Variants in PVT1 observed in about 807,000 individuals in gnomAD.
PVT1 encodes the protein Pvt1 oncogene.
At chr8:127,977,046 C>T (rs4733809) in intron 3 of PVT1, among the ~76,000 whole-genome samples, 84,033 of 152,024 alleles carry the variant, frequency 0.55, 24,285 homozygotes, top group South Asian at 0.81. Context: ...CTTCGTACCA[C>T]TTAGCAAATA....
At chr8:127,863,213 G>T (rs1479245586) in intron 2 of PVT1, among the ~76,000 whole-genome samples, 5 of 152,094 alleles carry the variant, frequency 3.3e-5, no homozygotes, top group Non-Finnish European at 7.3e-5. Flanking sequence ...TTGGGTTCAA[G>T]CAATTATCCT....
At chr8:127,850,411 G>A (rs1275646607) in intron 2 of PVT1, among the ~76,000 whole-genome samples, 1 of 152,160 alleles carries the variant, frequency 6.6e-6, no homozygotes, top group Non-Finnish European at 1.5e-5. Flanking sequence ...GGGGGCACAT[G>A]TTTGCACTTT....
chr8:127,843,544 G>A (rs1013564259), intron 2 of PVT1, among the ~76,000 whole-genome samples: 1 of 151,906 alleles, frequency 6.6e-6, no homozygotes, highest in Non-Finnish European at 1.5e-5. Context: ...CCGGGTTCAC[G>A]CCATTCTCCT....
chr8:127,872,157 G>C (rs1298645691), intron 2 of PVT1, among the ~76,000 whole-genome samples: 4 of 152,108 alleles, frequency 2.6e-5, no homozygotes, highest in Admixed American at 2.0e-4. Flanking sequence ...GCTCATGCCT[G>C]TAATCCCAGC....
At chr8:127,844,344 G>A (rs1430452458) in intron 2 of PVT1, among the ~76,000 whole-genome samples, 3 of 152,190 alleles carry the variant, frequency 2.0e-5, no homozygotes, top group Admixed American at 6.5e-5. Context: ...GTGTGAAGCA[G>A]TGGGCAGAGC....
At chr8:127,853,131 C>G (rs1815122669) in intron 2 of PVT1, among the ~76,000 whole-genome samples, 2 of 152,156 alleles carry the variant, frequency 1.3e-5, no homozygotes, top group Admixed American at 1.3e-4. Context: ...TCTTCCCAGG[C>G]CAGGGCTTCA....
intron 2 of PVT1, among the ~76,000 whole-genome samples, chr8:127,879,190 C>G (rs1296148267): frequency 6.6e-6 from 1 of 152,228 alleles, no homozygotes; most frequent in Non-Finnish European, 1.5e-5. Context: ...TCCAGTCTTT[C>G]TCATCACATA....
chr8:127,899,974 T>C (rs1340097715), intron 3 of PVT1, among the ~76,000 whole-genome samples: 1 of 152,252 alleles, frequency 6.6e-6, no homozygotes, highest in Non-Finnish European at 1.5e-5. Flanking sequence ...GATTAGCACA[T>C]GCTCATGAGG....
intron 2 of PVT1, among the ~76,000 whole-genome samples, chr8:127,869,605 T>C (rs1424389069): frequency 1.3e-5 from 2 of 152,218 alleles, no homozygotes; most frequent in East Asian, 1.9e-4. Flanking sequence ...CTCTTGTTTT[T>C]CTGAGACCTT....
chr8:128,084,495 T>C (rs376083549), intron 5 of PVT1, among the ~76,000 whole-genome samples: 27 of 152,302 alleles, frequency 1.8e-4, no homozygotes, highest in African/African-American at 6.3e-4. Flanking sequence ...GTAGTACTGA[T>C]GACTTGCAGA....
At chr8:127,851,227 C>G (rs1380592697) in intron 2 of PVT1, among the ~76,000 whole-genome samples, 1 of 152,122 alleles carries the variant, frequency 6.6e-6, no homozygotes, top group Non-Finnish European at 1.5e-5. Context: ...GTCACATGGC[C>G]TGCTCTATAA....
intron 2 of PVT1, among the ~76,000 whole-genome samples, chr8:127,859,600 C>G (rs919414297): frequency 6.6e-6 from 1 of 152,128 alleles, no homozygotes; most frequent in Non-Finnish European, 1.5e-5. Context: ...AGGTCTGACT[C>G]CCCGCCAGAG....
chr8:128,046,128 T>C (rs1232182899), intron 4 of PVT1, among the ~76,000 whole-genome samples: 2 of 152,186 alleles, frequency 1.3e-5, no homozygotes, highest in African/African-American at 4.8e-5. Flanking sequence ...TCACTCTTGC[T>C]CAGATTCATA....
chr8:128,041,889 G>A (rs1813550279), intron 4 of PVT1, among the ~76,000 whole-genome samples: 1 of 152,132 alleles, frequency 6.6e-6, no homozygotes, highest in African/African-American at 2.4e-5. Context: ...CTATGTATTT[G>A]ACTGATGCTT....
At chr8:127,919,971 A>G (rs1245544347) in intron 3 of PVT1, among the ~76,000 whole-genome samples, 2 of 152,148 alleles carry the variant, frequency 1.3e-5, no homozygotes, top group African/African-American at 4.8e-5. Flanking sequence ...AGTTAAATCC[A>G]AAACACTTGG....
chr8:128,070,398 G>A (rs1813970531), intron 5 of PVT1: 1 of 152,196 alleles, frequency 6.6e-6, no homozygotes, highest in African/African-American at 2.4e-5. Flanking sequence ...AATTTCACAA[G>A]TACTGCCAGA....
chr8:128,057,482 A>G (rs1813776432), intron 4 of PVT1, among the ~76,000 whole-genome samples: 1 of 152,202 alleles, frequency 6.6e-6, no homozygotes, highest in Non-Finnish European at 1.5e-5. Context: ...AAAAACCTGC[A>G]GGGATATTTT....
chr8:127,912,615 T>A (rs1487668120), intron 3 of PVT1, among the ~76,000 whole-genome samples: 1 of 152,192 alleles, frequency 6.6e-6, no homozygotes, highest in Non-Finnish European at 1.5e-5. Context: ...TGAAGGAATT[T>A]GCCAGAAATT....
intron 3 of PVT1, among the ~76,000 whole-genome samples, chr8:127,949,654 C>T (rs920851781): frequency 2.6e-5 from 4 of 152,068 alleles, no homozygotes; most frequent in African/African-American, 7.2e-5. Flanking sequence ...ATGGTTAAAC[C>T]AATGGGGGTG....
Sources: gnomAD v4.1 joint callset for allele counts (sites outside exome capture counted in the v4.1 genomes callset) on GRCh38, gnomAD v4.1.1 for gene constraint, MANE v1.5 for transcripts, NCBI Gene and HGNC (gene_info 2026-07-23, HGNC 2026-07-21) for gene names.